PARP6: variants seen among roughly 807,000 people sequenced by gnomAD.
The protein encoded by PARP6 is poly(ADP-ribose) polymerase family member 6.
In PARP6, 27 loss-of-function variants were observed where a neutral mutation model predicts 92.0. That is an observed-to-expected ratio of 0.29 (90% CI 0.22 to 0.40). PARP6 has a LOEUF of 0.40. PARP6 is among the 10% of genes least tolerant of loss of function. The pLI, the probability that PARP6 is intolerant of heterozygous loss-of-function variation, is 1.00. For synonymous variants in PARP6, 272 were observed against 281.2 expected, an observed-to-expected ratio of 0.97 and a Z score of 0.33; for missense variants, 501 against 784.5, an observed-to-expected ratio of 0.64 and a Z score of 4.32.
intron 2 of PARP6, among the ~76,000 whole-genome samples, chr15:72,270,503 A>C (rs1310190543): frequency 1.3e-5 from 2 of 152,202 alleles, no homozygotes; most frequent in East Asian, 3.8e-4. Flanking sequence ...CCAACACTCC[A>C]CAATTGCCTC....
At position 72,249,372 on chromosome 15, in the gene PARP6, T is replaced by C. The variant is rs949251913; in HGVS notation, c.1492-58A>G. 6.1e-6 allele frequency: 6 copies of C among 988,042 alleles called. No homozygotes were observed. In the East Asian group the frequency reaches 1.5e-4, roughly 24 times the overall value. The allele number at this position is 988,042 out of a possible 1,614,324, so 61.2% of individuals were successfully genotyped here. ...GCCTGGGCCCTCCCATGGCTATTTA[T>C]TAGGCAGCAGCAAGGCTTATCCAGC... On this transcript the variant is annotated intron_variant, in intron 19 of 23. Coordinates refer to ENST00000569795, the MANE Select transcript of PARP6 (RefSeq NM_001323532.2).
At position 72,250,084 on chromosome 15, in the gene PARP6, T is replaced by A. The variant is rs762246583; in HGVS notation, c.1427A>T (p.His476Leu). ...YGSTFAFHGS[H>L]IENWHSILRN... Reference sequence around the variant, plus strand: ...CAGGATCGAATGCCAGTTCTCAATGTGGGACCCACTGTAAGGCAGGGTAGA... The same window carrying A: ...CAGGATCGAATGCCAGTTCTCAATGAGGGACCCACTGTAAGGCAGGGTAGA... Residue 476 changes from histidine (H) to leucine (L), a missense_variant, in exon 19 of 24, where the codon CAC becomes CTC. This residue lies in a region of PARP6 where 191 missense variants were observed against 399.1 expected (regional missense o/e 0.48). Coordinates refer to ENST00000569795, the MANE Select transcript of PARP6 (RefSeq NM_001323532.2). The A allele has an allele frequency of 6.2e-7, 1 of 1,607,062 alleles. No individual in the cohort carries two copies. The highest frequency in any genetic ancestry group is 8.5e-7 in the Non-Finnish European group (1 of 1,173,666).
chr15:72,257,437 C>A lies in PARP6; in HGVS notation c.910G>T (p.Ala304Ser). The A allele has an allele frequency of 1.2e-6, 2 of 1,613,390 alleles. No individual in the cohort carries two copies. Among genetic ancestry groups the A allele is most frequent in the East Asian group, 2.2e-5 (1 of 44,878 alleles). ...ACGCATAGTTCACGAGTACAGACAG[C>A]TGGCTGAAAGGATATATTAAACAGA... ...VFQNGSMLKP[A>S]VCTRELCVFS... Residue 304 changes from alanine (A) to serine (S), a missense_variant, in exon 13 of 24, where the codon GCT becomes TCT. Physicochemically the swap from Ala to Ser is moderately conservative, Grantham distance 99. Transcript: ENST00000569795.
At chr15:72,248,568 A>C (rs1457578854) in intron 20 of PARP6, among the ~76,000 whole-genome samples, 3 of 152,202 alleles carry the variant, frequency 2.0e-5, no homozygotes, top group Non-Finnish European at 4.4e-5. Flanking sequence ...CATGTAGTGA[A>C]CATGCAACTA....
At chr15:72,259,249 C>A (rs556614756) in intron 11 of PARP6, among the ~76,000 whole-genome samples, 180 of 152,170 alleles carry the variant, frequency 1.2e-3, no homozygotes, top group Non-Finnish European at 1.6e-3. Flanking sequence ...CCAGTAGTAG[C>A]TGAGCAGTGA....
intron 19 of PARP6, among the ~76,000 whole-genome samples, chr15:72,249,777 C>T (rs569008589): frequency 1.3e-5 from 2 of 152,318 alleles, no homozygotes; most frequent in East Asian, 3.9e-4. Context: ...TCAGCAATTC[C>T]ATATTCCTGC....
chr15:72,256,366 C>T (rs2085131141), intron 14 of PARP6, 99 bp downstream of exon 14: 1 of 990,896 alleles, frequency 1.0e-6, no homozygotes, highest in African/African-American at 1.7e-5. Context: ...AATTCTGTCC[C>T]TTATTCCAAG....
At chr15:72,260,873 AT>A (rs893112554) in intron 9 of PARP6, among the ~76,000 whole-genome samples, 185 bp from the exon 10 acceptor site, 2 of 152,200 alleles carry the variant, frequency 1.3e-5, no homozygotes, top group African/African-American at 4.8e-5. Context: ...CTGAATTAAA[AT>A]TTTTATGTCA....
intron 14 of PARP6, 99 bp from the exon 15 acceptor site, chr15:72,254,619 C>T: frequency 1.2e-6 from 1 of 824,452 alleles, no homozygotes; most frequent in Non-Finnish European, 2.0e-6. Context: ...AAGTCTAGGC[C>T]CTAGGAAACA....
In PARP6 at chr15:72,267,072, G is replaced by T. The variant is rs1349579801; in HGVS notation, c.4-250C>A. 1.3e-5 allele frequency: 7 copies of T among 523,972 alleles called. No individual in the cohort carries two copies. In the East Asian group the frequency reaches 2.3e-4, roughly 17 times the overall value. The allele number at this position is 523,972 out of a possible 1,614,324, so 32.5% of individuals were successfully genotyped here. A position where few individuals can be genotyped will look rare whatever the true frequency, so the allele number is the denominator to read the frequency against. ...ATCTAGGGAATTTTGGCCTTCTGAA[G>T]TCTCAGTATGATGACTGAGAGGCTC... On this transcript the variant is annotated intron_variant, in intron 3 of 23. Transcript: ENST00000569795.
chr15:72,256,410 G>A (rs1363732664), intron 14 of PARP6, 55 bp downstream of exon 14: 1 of 1,396,274 alleles, frequency 7.2e-7, no homozygotes, highest in South Asian at 1.7e-5. Context: ...CCCATAGTCT[G>A]CCACTATCTT....
In PARP6 at chr15:72,267,606, C is replaced by A. The variant is rs2086770320; in HGVS notation, c.-129G>T. 1 of 931,210 alleles carries A rather than the reference C, an allele frequency of 1.1e-6. No homozygotes were observed. The allele number at this position is 931,210 out of a possible 1,614,324, so 57.7% of individuals were successfully genotyped here. A position where few individuals can be genotyped will look rare whatever the true frequency, so the allele number is the denominator to read the frequency against. ...AGGGAGACAAGGTAGGGCACGATGT[C>A]AGGGACAACTGGTGATCTGTTGGGG... On this transcript the variant is annotated 5_prime_UTR_variant, in exon 3 of 24. Transcript: ENST00000569795.
At chr15:72,268,568 T>A (rs1423804007) in intron 2 of PARP6, among the ~76,000 whole-genome samples, 1 of 152,202 alleles carries the variant, frequency 6.6e-6, no homozygotes, top group African/African-American at 2.4e-5. Context: ...TGTGGTGGCG[T>A]GCGCTTACGA....
intron 2 of PARP6, among the ~76,000 whole-genome samples, chr15:72,269,258 T>A (rs995131698): frequency 1.3e-5 from 2 of 152,124 alleles, no homozygotes; most frequent in African/African-American, 4.8e-5. Flanking sequence ...CCTCCCGGGT[T>A]CAAGCAATTC....
chr15:72,266,869 T>G (rs749353789), intron 3 of PARP6, 47 bp from the exon 4 acceptor site: 3 of 1,436,356 alleles, frequency 2.1e-6, no homozygotes, highest in Non-Finnish European at 9.8e-7. Context: ...GTCCCTATTA[T>G]CCCATGGAAA....
chr15:72,257,718 T>C (rs972721940), intron 12 of PARP6, among the ~76,000 whole-genome samples: 9 of 152,206 alleles, frequency 5.9e-5, no homozygotes, highest in African/African-American at 2.2e-4. Context: ...TCTATAAACT[T>C]ACCATACATT....
intron 8 of PARP6, 21 bp from the exon 9 acceptor site, chr15:72,261,728 A>T: frequency 6.2e-7 from 1 of 1,612,538 alleles, no homozygotes; most frequent in Middle Eastern, 1.6e-4. Context: ...AAAAAGAATG[A>T]GCTTAGGCAA....
At position 72,251,225 on chromosome 15, in the gene PARP6, G is replaced by T; in HGVS notation, c.1290C>A (p.Val430=). ...WIISSNRSHI[V]KLPLSRLKFM... is the part of the protein sequence containing the mutation. ...CACTTACCCTGCTGAGAGGTAGTTTGACAATGTGTGACCTGTTGCTAGAGA... is the reference window on the plus strand; with the variant it reads ...CACTTACCCTGCTGAGAGGTAGTTTTACAATGTGTGACCTGTTGCTAGAGA... The change falls in exon 17 of 24, where the codon GTC becomes GTA. Residue 430 remains valine, a synonymous_variant. Coordinates refer to ENST00000569795, the MANE Select transcript of PARP6 (RefSeq NM_001323532.2). 1 of 1,597,920 alleles carries T rather than the reference G, an allele frequency of 6.3e-7. No individual in the cohort carries two copies. Among genetic ancestry groups the T allele is most frequent in the Non-Finnish European group, 8.6e-7 (1 of 1,165,422 alleles).
Position 72,241,976 on chromosome 15 carries a change from G to A in PARP6, c.1715C>T (p.Ser572Phe). 6.2e-7 allele frequency: 1 copy of A among 1,611,932 alleles called. No individual in the cohort carries two copies. The highest frequency in any genetic ancestry group is 8.5e-7 in the Non-Finnish European group (1 of 1,177,986). Residue 572 changes from serine to phenylalanine, a missense_variant, in exon 23 of 24, where the codon TCT (serine) becomes TTT (phenylalanine). By Grantham distance (155) the Ser-to-Phe change is radical. Around this residue, in one of 4 missense-constraint regions of PARP6, gnomAD observed 191 missense variants for 399.1 expected, o/e 0.48. Transcript: ENST00000569795. The surrounding 1 kb of genome is among the most constrained non-coding windows in gnomAD (Gnocchi z 4.1). Reference protein sequence around the residue: ...NCIALCEVITSKDLQKHGNIW... With the variant: ...NCIALCEVITFKDLQKHGNIW... Reference sequence around the variant, plus strand: ...GTTCCCATGCTTCTGGAGGTCCTTAGATGTAATCACTGGGAGAAAGAGGGC... The same window carrying A: ...GTTCCCATGCTTCTGGAGGTCCTTAAATGTAATCACTGGGAGAAAGAGGGC...
Sources: allele counts gnomAD v4.1 joint callset (sites outside exome capture counted in the v4.1 genomes callset), GRCh38; gene constraint gnomAD v4.1.1; regional missense constraint gnomAD v4.1.1; non-coding constraint Gnocchi (gnomAD v3.1); transcripts MANE v1.5; gene names NCBI Gene and HGNC (gene_info 2026-07-23, HGNC 2026-07-21).